The following SHISAL2B variants were observed in gnomAD, a reference collection of about 807,000 sequenced individuals.
The protein encoded by SHISAL2B is protein shisa-like-2B.
A neutral mutation model predicts 16.5 loss-of-function variants in SHISAL2B; 12 were observed. The ratio of observed to expected loss-of-function variants is 0.73; its 90% CI spans 0.47 to 1.18. The LOEUF is 1.18. SHISAL2B is among the 50% of genes most tolerant of loss of function. The probability of loss-of-function intolerance (pLI) is 0.00; values close to 1 mark genes in which losing one functional copy is unlikely to be tolerated. For synonymous variants in SHISAL2B, 72 were observed against 75.0 expected (o/e 0.96, Z 0.21); for missense variants, 183 against 193.6 (o/e 0.95, Z 0.33).
At chr5:64,712,396 C>A (rs1741972116) in intron 2 of SHISAL2B, among the ~76,000 whole-genome samples, 1 of 152,136 alleles carries the variant, frequency 6.6e-6, no homozygotes, top group South Asian at 2.1e-4. Flanking sequence ...GCACTGTGGT[C>A]TGAGAGACAG....
At chr5:64,717,251 T>G (rs1742069513) in intron 2 of SHISAL2B, among the ~76,000 whole-genome samples, 1 of 152,236 alleles carries the variant, frequency 6.6e-6, no homozygotes, top group Non-Finnish European at 1.5e-5. Flanking sequence ...TCTTCCACTG[T>G]TCTTTACGTA....
At chr5:64,698,783 C>T (rs1741771117) in intron 2 of SHISAL2B, among the ~76,000 whole-genome samples, 1 of 152,176 alleles carries the variant, frequency 6.6e-6, no homozygotes, top group Non-Finnish European at 1.5e-5. Context: ...TCTACTGTAT[C>T]CCCAGTGCCT....
Position 64,695,714 on chromosome 5 carries a change from G to T in SHISAL2B, c.349+50G>T, listed in dbSNP as rs1741723553. ...CCAATTACCTGAACTCTATCCAAAA[G>T]AATAACTTGTACCTGGGTGATAATA... On this transcript the variant is annotated intron_variant, in intron 2 of 2. Transcript: ENST00000389074. 4.5e-6 allele frequency: 6 copies of T among 1,335,202 alleles called. No individual in the cohort carries two copies. The East Asian group carries it at 1.3e-4, about 29-fold the overall frequency. 82.7% of individuals were successfully genotyped at this position (1,335,202 alleles called of 1,614,324 possible).
chr5:64,711,320 G>C (rs1175098614), intron 2 of SHISAL2B, among the ~76,000 whole-genome samples: 1 of 148,692 alleles, frequency 6.7e-6, no homozygotes, highest in African/African-American at 2.6e-5. Context: ...CTTTGGTTCT[G>C]TTTATATGCT....
At chr5:64,708,603 A>T (rs758264150) in intron 2 of SHISAL2B, among the ~76,000 whole-genome samples, 1 of 152,178 alleles carries the variant, frequency 6.6e-6, no homozygotes, top group Non-Finnish European at 1.5e-5. Flanking sequence ...ATAAGATATA[A>T]TTTCCATAAA....
intron 2 of SHISAL2B, 55 bp from the exon 3 acceptor site, chr5:64,717,834 A>T: frequency 6.9e-7 from 1 of 1,443,992 alleles, no homozygotes; most frequent in South Asian, 1.4e-5. Flanking sequence ...GCAAATTTTT[A>T]TAAGTGAAAC....
At chr5:64,709,451 G>T (rs1741923549) in intron 2 of SHISAL2B, among the ~76,000 whole-genome samples, 1 of 143,764 alleles carries the variant, frequency 7.0e-6, no homozygotes, top group African/African-American at 2.6e-5. Flanking sequence ...TGGACATTTG[G>T]GTTGGTTCCA....
At chr5:64,712,868 C>CT (rs916027842) in intron 2 of SHISAL2B, among the ~76,000 whole-genome samples, 5 of 149,590 alleles carry the variant, frequency 3.3e-5, no homozygotes, top group African/African-American at 9.7e-5. Context: ...CAACCCCTGC[C>CT]TTTTTTTGTT....
At chr5:64,717,234 T>C (rs1244302992) in intron 2 of SHISAL2B, among the ~76,000 whole-genome samples, 2 of 152,234 alleles carry the variant, frequency 1.3e-5, no homozygotes, top group Admixed American at 1.3e-4. Flanking sequence ...TAGTAATGTC[T>C]GTGATTTCTT....
chr5:64,690,847 C>A, intron 1 of SHISAL2B, 33 bp downstream of exon 1: 1 of 1,473,406 alleles, frequency 6.8e-7, no homozygotes, highest in Non-Finnish European at 9.0e-7. Flanking sequence ...CGGCGGCTGG[C>A]CGAGCCCGGG....
chr5:64,714,487 C>G (rs948631282), intron 2 of SHISAL2B, among the ~76,000 whole-genome samples: 4 of 151,150 alleles, frequency 2.6e-5, no homozygotes, highest in Non-Finnish European at 5.9e-5. Context: ...TTACTACTGT[C>G]TTTTTGTTTG....
chr5:64,698,088 A>G (rs781628721), intron 2 of SHISAL2B, among the ~76,000 whole-genome samples: 3 of 152,250 alleles, frequency 2.0e-5, no homozygotes, highest in African/African-American at 2.4e-5. Context: ...ATTAGTGATT[A>G]TCAAATAATC....
intron 2 of SHISAL2B, among the ~76,000 whole-genome samples, chr5:64,705,314 C>T (rs558929094): frequency 2.0e-4 from 31 of 152,124 alleles, no homozygotes; most frequent in African/African-American, 7.2e-4. Flanking sequence ...GAGAGAACCC[C>T]GGAATGACTA....
chr5:64,697,686 A>C (rs767821667), intron 2 of SHISAL2B, among the ~76,000 whole-genome samples: 29 of 152,232 alleles, frequency 1.9e-4, no homozygotes, highest in Non-Finnish European at 4.3e-4. Flanking sequence ...CTTAGAATAT[A>C]AATTTAGGAT....
intron 2 of SHISAL2B, among the ~76,000 whole-genome samples, chr5:64,705,930 G>A (rs763299957): frequency 3.9e-5 from 6 of 152,116 alleles, no homozygotes; most frequent in Non-Finnish European, 8.8e-5. Context: ...AGGCAGATGC[G>A]GGCAGATCAC....
chr5:64,702,141 A>G (rs1460305853), intron 2 of SHISAL2B, among the ~76,000 whole-genome samples: 3 of 152,228 alleles, frequency 2.0e-5, no homozygotes, highest in Non-Finnish European at 4.4e-5. Flanking sequence ...AAATATAGGT[A>G]ACTGTATTTT....
intron 1 of SHISAL2B, among the ~76,000 whole-genome samples, chr5:64,693,449 T>G (rs751382236): frequency 2.6e-5 from 4 of 152,228 alleles, no homozygotes; most frequent in Admixed American, 6.5e-5. Context: ...GTTTTATAAT[T>G]TGTAGATTGA....
chr5:64,690,839 G>A (rs1400428755), intron 1 of SHISAL2B, 25 bp downstream of exon 1: 1 of 1,480,440 alleles, frequency 6.8e-7, no homozygotes, highest in African/African-American at 1.4e-5. Flanking sequence ...CGCGCGTGCG[G>A]CGGCTGGCCG....
intron 2 of SHISAL2B, among the ~76,000 whole-genome samples, chr5:64,709,928 G>A (rs1268324501): frequency 2.6e-5 from 4 of 151,220 alleles, no homozygotes; most frequent in Non-Finnish European, 4.4e-5. Flanking sequence ...TGTAGATTCT[G>A]GATATTAGCC....
Sources: allele counts gnomAD v4.1 joint callset (sites outside exome capture counted in the v4.1 genomes callset), GRCh38; gene constraint gnomAD v4.1.1; transcripts MANE v1.5; gene names NCBI Gene and HGNC (gene_info 2026-07-23, HGNC 2026-07-21).